The following CATSPERB variants were observed in gnomAD, a reference collection of about 807,000 sequenced individuals.
CATSPERB encodes catsper channel auxiliary subunit beta.
In CATSPERB, 93 loss-of-function variants were observed where a neutral mutation model predicts 128.3. The observed-to-expected ratio is 0.72, with a 90% CI of 0.61 to 0.86. The LOEUF (loss-of-function observed/expected upper bound fraction) is 0.86. Among genes scored for constraint, CATSPERB ranks in the 40% least tolerant of loss-of-function variants. CATSPERB has a pLI of 0.00. For synonymous variants in CATSPERB, 381 were observed against 448.8 expected, an observed-to-expected ratio of 0.85 and a Z score of 1.91; for missense variants, 1,153 against 1,329.5, an observed-to-expected ratio of 0.87 and a Z score of 2.06.
At chr14:91,581,208 C>T (rs1309942285) in intron 26 of CATSPERB, 101 bp from the exon 27 acceptor site, 1 of 900,996 alleles carries the variant, frequency 1.1e-6, no homozygotes, top group Non-Finnish European at 1.7e-6. Flanking sequence ...CAAAACGCTG[C>T]CCAGAGTTAC....
intron 1 of CATSPERB, 39 bp from the exon 2 acceptor site, chr14:91,729,518 G>T: frequency 8.7e-7 from 1 of 1,149,174 alleles, no homozygotes; most frequent in South Asian, 1.4e-5. Context: ...CTCAATTTCT[G>T]AACATATTTT....
At chr14:91,664,924 C>T (rs552356309) in intron 14 of CATSPERB, among the ~76,000 whole-genome samples, 1 of 152,304 alleles carries the variant, frequency 6.6e-6, no homozygotes, top group Admixed American at 6.5e-5. Context: ...AGGTCTTACT[C>T]TGTCACCCAG....
intron 17 of CATSPERB, among the ~76,000 whole-genome samples, chr14:91,627,770 C>A (rs1489296187): frequency 6.6e-6 from 1 of 152,060 alleles, no homozygotes; most frequent in Non-Finnish European, 1.5e-5. Context: ...GAGTTGGAGA[C>A]CAGCTTGGAT....
chr14:91,668,348 T>C (rs1895024383), intron 14 of CATSPERB, among the ~76,000 whole-genome samples: 1 of 151,936 alleles, frequency 6.6e-6, no homozygotes, highest in Admixed American at 6.6e-5. Context: ...GCTCTGTGTC[T>C]AGCTAAAGGT....
rs112397402 is a variant in CATSPERB, at chr14:91,649,495, T to C, written c.1433-10245A>G. ...CTTTTGCTTTTTAAGACTTGTATTG[T>C]ACACACTTTTTTTTTTTTTTGAGAC... On this transcript the variant is annotated intron_variant, in intron 15 of 26. Coordinates refer to ENST00000256343, the MANE Select transcript of CATSPERB (RefSeq NM_024764.4). 3.3e-3 allele frequency among the ~76,000 whole-genome samples: 448 copies of C among 135,490 alleles called. 1 individual carries two copies. The highest frequency in any genetic ancestry group is 0.012 in the African/African-American group (433 of 34,954). The allele number at this position is 135,490 out of a possible 152,430, so 88.9% of individuals were successfully genotyped here. A position where few individuals can be genotyped will look rare whatever the true frequency, so the allele number is the denominator to read the frequency against.
chr14:91,692,996 T>C, intron 9 of CATSPERB, 130 bp downstream of exon 9: 1 of 686,872 alleles, frequency 1.5e-6, no homozygotes. Context: ...TATTATGCCT[T>C]TATGTTTTTC....
At chr14:91,625,309 C>CA (rs1368312708) in intron 17 of CATSPERB, among the ~76,000 whole-genome samples, 1 of 152,062 alleles carries the variant, frequency 6.6e-6, no homozygotes, top group African/African-American at 2.4e-5. Flanking sequence ...TCCTGGAAAG[C>CA]AATTTGACAT....
At chr14:91,729,215 T>C (rs1055369729) in intron 2 of CATSPERB, among the ~76,000 whole-genome samples, 186 bp downstream of exon 2, 3 of 152,198 alleles carry the variant, frequency 2.0e-5, no homozygotes, top group African/African-American at 7.2e-5. Context: ...GGTGGGCACC[T>C]GTAATCCCAG....
chr14:91,659,928 A>C lies in CATSPERB; in HGVS notation c.1341T>G (p.His447Gln). The change falls in exon 15 of 27, where the codon CAT becomes CAG. Residue 447 changes from histidine to glutamine, a missense_variant. By Grantham distance (24) the His-to-Gln change is conservative. Transcript: ENST00000256343. ...GNTFQLIANF[H>Q]DDIIKKTFHS... ...GAAAAGTCTTCTTTATGATATCATC[A>C]TGAAAGTTAGCTATTAATTGAAAGG... 6.2e-7 allele frequency: 1 copy of C among 1,603,596 alleles called. No individual in the cohort carries two copies. Among genetic ancestry groups the C allele is most frequent in the Non-Finnish European group, 8.5e-7 (1 of 1,177,210 alleles).
At chr14:91,710,217 T>C (rs1381387815) in intron 5 of CATSPERB, 1 of 152,302 alleles carries the variant, frequency 6.6e-6, no homozygotes. Flanking sequence ...GATACTTGGC[T>C]GTTAAAACCT....
At chr14:91,589,408 CA>C in intron 24 of CATSPERB, 125 bp downstream of exon 24, 1 of 852,874 alleles carries the variant, frequency 1.2e-6, no homozygotes, top group Non-Finnish European at 1.7e-6. Flanking sequence ...CCAACTGATC[CA>C]AATCCATTTG....
At chr14:91,660,116 TCA>T (rs56413235) in intron 14 of CATSPERB, 135 bp from the exon 15 acceptor site, 3,734 of 230,174 alleles carry the variant, frequency 0.016, 2 homozygotes, top group Non-Finnish European at 0.018. Context: ...TCTCTCTCTC[TCA>T]CACACACACA....
chr14:91,627,000 CA>C (rs765050312), intron 17 of CATSPERB, among the ~76,000 whole-genome samples: 3 of 152,092 alleles, frequency 2.0e-5, no homozygotes, highest in Non-Finnish European at 4.4e-5. Flanking sequence ...AGTTTATAAA[CA>C]AAATATACCA....
At chr14:91,639,015 CA>C in intron 16 of CATSPERB, 80 bp downstream of exon 16, 1 of 1,247,732 alleles carries the variant, frequency 8.0e-7, no homozygotes, top group Non-Finnish European at 1.1e-6. Flanking sequence ...AATACTTTCC[CA>C]TTTTCCCATT....
chr14:91,695,396 T>C (rs1343705996), intron 7 of CATSPERB, among the ~76,000 whole-genome samples: 1 of 152,098 alleles, frequency 6.6e-6, no homozygotes, highest in Admixed American at 6.6e-5. Context: ...CTCCAAAAGT[T>C]CTGAAATTAC....
At chr14:91,704,255 G>T (rs1227802995) in intron 7 of CATSPERB, among the ~76,000 whole-genome samples, 3 of 152,134 alleles carry the variant, frequency 2.0e-5, no homozygotes, top group Non-Finnish European at 1.5e-5. Flanking sequence ...TACATGGTAG[G>T]AATAGCAGAT....
At chr14:91,631,155 T>C (rs1381894728) in intron 17 of CATSPERB, among the ~76,000 whole-genome samples, 1 of 152,222 alleles carries the variant, frequency 6.6e-6, no homozygotes, top group Non-Finnish European at 1.5e-5. Flanking sequence ...CCTGTATCTG[T>C]TTATTAGAAT....
intron 25 of CATSPERB, among the ~76,000 whole-genome samples, chr14:91,587,568 C>T (rs1253575807): frequency 7.0e-6 from 1 of 142,724 alleles, no homozygotes; most frequent in Non-Finnish European, 1.5e-5. Context: ...GGCTAATCCT[C>T]GTATTTGTGG....
Position 91,664,259 on chromosome 14 carries a change from CT to C in CATSPERB, c.1288-4279del, listed in dbSNP as rs750623098. Among the ~76,000 whole-genome samples, 146 of 115,654 alleles carry C rather than the reference CT, an allele frequency of 1.3e-3. 1 individual carries two copies. Among genetic ancestry groups the C allele is most frequent in the African/African-American group, 3.7e-3 (117 of 31,476 alleles). 75.9% of individuals were successfully genotyped at this position (115,654 alleles called of 152,430 possible). On this transcript the variant is annotated intron_variant, in intron 14 of 26. Transcript: ENST00000256343. ...ATATGCATTTAAGCTTCTTCCATGT[CT>C]TTTTTTTTTTTTTTTTTTTTTTTGA...
Sources: gnomAD v4.1 joint callset for allele counts (sites outside exome capture counted in the v4.1 genomes callset) on GRCh38, gnomAD v4.1.1 for gene constraint, MANE v1.5 for transcripts, NCBI Gene and HGNC (gene_info 2026-07-23, HGNC 2026-07-21) for gene names.